Variants in MRPL42 observed in about 807,000 individuals in gnomAD.
MRPL42 encodes mitochondrial ribosomal protein L42.
Under a neutral mutation model 17.9 loss-of-function variants are expected in MRPL42, and 17 were observed. The ratio of observed to expected loss-of-function variants is 0.95; its 90% CI spans 0.65 to 1.42. MRPL42 has a LOEUF of 1.42. Among genes scored for constraint, MRPL42 ranks in the 40% most tolerant of loss-of-function variants. The pLI is 0.00. For missense variants in MRPL42, 177 were observed against 175.2 expected (o/e 1.01, Z -0.06); for synonymous variants, 59 against 54.4 (o/e 1.08, Z -0.37).
rs1187418530 is a variant in MRPL42 at position 93,515,242 on chromosome 12, A to C, written c.*14021A>C. On this transcript the variant is annotated 3_prime_UTR_variant, in exon 6 of 6. Coordinates refer to ENST00000549982, the MANE Select transcript of MRPL42 (RefSeq NM_014050.4). ...GGAAGCACGATGGACTCCTGGGCAC[A>C]CCGTTAAGTGACTGATGGAGTCATT... The C allele has an allele frequency of 6.6e-6, 1 of 152,198 alleles. No individual in the cohort carries two copies. The highest frequency in any genetic ancestry group is 2.4e-5 in the African/African-American group (1 of 41,440). The allele number at this position is 152,198 out of a possible 1,614,324, so 9.4% of individuals were successfully genotyped here.
At position 93,485,106 on chromosome 12, in the gene MRPL42, A is replaced by T. The variant is rs371949894; in HGVS notation, c.220-2391A>T. ...GCTCAAGCATTCCTTTGCCACTTTG[A>T]CCTTCCTAAGTGCTGGGATTACAGG... On this transcript the variant is annotated intron_variant, in intron 4 of 5. Transcript: ENST00000549982. 2.2e-5 allele frequency among the ~76,000 whole-genome samples: 3 copies of T among 136,520 alleles called. No individual in the cohort carries two copies. In the East Asian group the frequency reaches 6.7e-4, roughly 31 times the overall value. The allele number at this position is 136,520 out of a possible 152,430, so 89.6% of individuals were successfully genotyped here.
chr12:93,510,133 T>G lies in MRPL42; in HGVS notation c.*8912T>G, dbSNP rs1197564878. 6.6e-6 allele frequency: 1 copy of G among 152,584 alleles called. No homozygotes were observed. Among genetic ancestry groups the G allele is most frequent in the Non-Finnish European group, 1.5e-5 (1 of 68,216 alleles). 9.5% of individuals were successfully genotyped at this position (152,584 alleles called of 1,614,324 possible). A position where few individuals can be genotyped will look rare whatever the true frequency, so the allele number is the denominator to read the frequency against. ...CCCACTGACCCCCGGCTACCACTGGTCTTTTCACTGTCTCCGTAAGTTTTT... is the reference window on the plus strand; with the variant it reads ...CCCACTGACCCCCGGCTACCACTGGGCTTTTCACTGTCTCCGTAAGTTTTT... On this transcript the variant is annotated 3_prime_UTR_variant, in exon 6 of 6. Coordinates refer to ENST00000549982, the MANE Select transcript of MRPL42 (RefSeq NM_014050.4).
chr12:93,481,323 AG>A (rs751441767), intron 4 of MRPL42, among the ~76,000 whole-genome samples: 2 of 152,180 alleles, frequency 1.3e-5, no homozygotes, highest in Non-Finnish European at 2.9e-5. Context: ...AGTTCTTTTA[AG>A]TAGTTGCTGT....
chr12:93,490,993 C>A (rs1232731955), intron 5 of MRPL42, among the ~76,000 whole-genome samples: 1 of 152,132 alleles, frequency 6.6e-6, no homozygotes, highest in South Asian at 2.1e-4. Context: ...CGGATTCAAG[C>A]GATTCTAGTG....
In MRPL42 at chr12:93,487,617, A is replaced by C; in HGVS notation, c.340A>C (p.Lys114Gln). Residue 114 changes from lysine (K) to glutamine (Q), a missense_variant, in exon 5 of 6, where the codon AAA becomes CAA. Coordinates refer to ENST00000549982, the MANE Select transcript of MRPL42 (RefSeq NM_014050.4). ...AGGACCTATGATAGAACAACTTAGC[A>C]AAATGTTCTTTACTACTAAGCACCG... ...EEGPMIEQLS[K>Q]MFFTTKHRWY... 1 of 1,613,560 alleles carries C rather than the reference A, an allele frequency of 6.2e-7. No homozygotes were observed. Among genetic ancestry groups the C allele is most frequent in the Non-Finnish European group, 8.5e-7 (1 of 1,179,664 alleles).
rs1483030761 is a variant in MRPL42, at chr12:93,469,177, T to G, written c.-94-15T>G. ...TACCATAGGTAGCACTGATTTTTCT[T>G]TATCTCTTCAGCAGGAGTAGAAATT... is the stretch of plus-strand genomic sequence containing the variant. On this transcript the variant is annotated splice_polypyrimidine_tract_variant and intron_variant, in intron 1 of 5. Coordinates refer to ENST00000549982, the MANE Select transcript of MRPL42 (RefSeq NM_014050.4). 1.3e-6 allele frequency: 1 copy of G among 773,752 alleles called. No homozygotes were observed. The highest frequency in any genetic ancestry group is 1.8e-5 in the African/African-American group (1 of 55,700). 47.9% of individuals were successfully genotyped at this position (773,752 alleles called of 1,614,324 possible).
Position 93,477,015 on chromosome 12 carries a change from T to C in MRPL42, c.132T>C (p.Asn44=), listed in dbSNP as rs964606483. 6.4e-7 allele frequency: 1 copy of C among 1,569,226 alleles called. No homozygotes were observed. The highest frequency in any genetic ancestry group is 1.1e-5 in the South Asian group (1 of 88,682). The change falls in exon 3 of 6, where the codon AAT becomes AAC. Residue 44 remains asparagine (N), a splice_region_variant and synonymous_variant. Coordinates refer to ENST00000549982, the MANE Select transcript of MRPL42 (RefSeq NM_014050.4). ...ATTCTCCTCTACCAGATGACTATAA[T>C]TGGTATGTATTAAAATTCAATTGAA... is the stretch of plus-strand genomic sequence containing the variant. ...STYSPLPDDY[N]CNVELALTSD...
chr12:93,487,543 A>T lies in MRPL42; in HGVS notation c.266A>T (p.Asp89Val). Residue 89 changes from aspartate (D) to valine (V), a missense_variant, in exon 5 of 6, where the codon GAT becomes GTT. Transcript: ENST00000549982. ...DPVHNNEETH[D>V]QVLKTRLEEK... is the part of the protein sequence containing the mutation. Reference sequence around the variant, plus strand: ...GTGCATAATAATGAAGAAACACATGATCAAGTGCTGAAAACCAGATTGGAA... The same window carrying T: ...GTGCATAATAATGAAGAAACACATGTTCAAGTGCTGAAAACCAGATTGGAA... 1 of 1,613,998 alleles carries T rather than the reference A, an allele frequency of 6.2e-7. No individual in the cohort carries two copies. The highest frequency in any genetic ancestry group is 8.5e-7 in the Non-Finnish European group (1 of 1,179,876).
At chr12:93,475,665 A>C (rs912842933) in intron 2 of MRPL42, among the ~76,000 whole-genome samples, 1 of 151,794 alleles carries the variant, frequency 6.6e-6, no homozygotes. Flanking sequence ...TTTTGAACAT[A>C]GGAGAATCTT....
rs781227533 is a variant in MRPL42 at position 93,509,791 on chromosome 12, A to C, written c.*8570A>C. 12 of 151,390 alleles carry C rather than the reference A, an allele frequency of 7.9e-5. No homozygotes were observed. Among genetic ancestry groups the C allele is most frequent in the Non-Finnish European group, 1.5e-4 (10 of 67,664 alleles). 9.4% of individuals were successfully genotyped at this position (151,390 alleles called of 1,614,324 possible). On this transcript the variant is annotated 3_prime_UTR_variant, in exon 6 of 6. Coordinates refer to ENST00000549982, the MANE Select transcript of MRPL42 (RefSeq NM_014050.4). ...TCTCCTGAAAAAAAAAAAAAACTTT[A>C]GTTTTTAAAAGTAGTTTTAGGTTCT...
rs1393532847 is a variant in MRPL42 at position 93,508,424 on chromosome 12, C to G, written c.*7203C>G. On this transcript the variant is annotated 3_prime_UTR_variant, in exon 6 of 6. Coordinates refer to ENST00000549982, the MANE Select transcript of MRPL42 (RefSeq NM_014050.4). ...CTAGGCTGGGCAACAGAACAAGCAC[C>G]TGTATCAAAACAAACAAAAAAGTGC... is the stretch of plus-strand genomic sequence containing the variant. The G allele has an allele frequency of 6.6e-6, 1 of 152,438 alleles. No individual in the cohort carries two copies. The highest frequency in any genetic ancestry group is 2.4e-5 in the African/African-American group (1 of 41,418). The allele number at this position is 152,438 out of a possible 1,614,324, so 9.4% of individuals were successfully genotyped here.
intron 5 of MRPL42, among the ~76,000 whole-genome samples, chr12:93,494,737 TA>T (rs1305142393): frequency 1.3e-5 from 2 of 152,140 alleles, no homozygotes; most frequent in Non-Finnish European, 2.9e-5. Flanking sequence ...ATTCCTGTCC[TA>T]GAGAATGGAA....
chr12:93,480,244 C>A (rs1880392463), intron 4 of MRPL42, among the ~76,000 whole-genome samples: 1 of 151,892 alleles, frequency 6.6e-6, no homozygotes, highest in South Asian at 2.1e-4. Context: ...TCTCAGCCTC[C>A]CGAGTACCTG....
chr12:93,513,149 C>A lies in MRPL42; in HGVS notation c.*11928C>A, dbSNP rs144140904. ...ATCTACCCTGGATTACATATTTTAACGAGAAAGAAACCAGCTCATTTGTGA... is the reference window on the plus strand; with the variant it reads ...ATCTACCCTGGATTACATATTTTAAAGAGAAAGAAACCAGCTCATTTGTGA... On this transcript the variant is annotated 3_prime_UTR_variant, in exon 6 of 6. Coordinates refer to ENST00000549982, the MANE Select transcript of MRPL42 (RefSeq NM_014050.4). 228 of 146,356 alleles carry A rather than the reference C, an allele frequency of 1.6e-3. No homozygotes were observed. Among genetic ancestry groups the A allele is most frequent in the African/African-American group, 5.5e-3 (218 of 39,490 alleles). 9.1% of individuals were successfully genotyped at this position (146,356 alleles called of 1,614,324 possible). A position where few individuals can be genotyped will look rare whatever the true frequency, so the allele number is the denominator to read the frequency against.
At chr12:93,497,464 A>G (rs868620785) in intron 5 of MRPL42, among the ~76,000 whole-genome samples, 4 of 152,216 alleles carry the variant, frequency 2.6e-5, no homozygotes, top group Non-Finnish European at 5.9e-5. Context: ...ATATAAACAG[A>G]ATTAAAAACA....
intron 4 of MRPL42, 83 bp from the exon 5 acceptor site, chr12:93,487,413 TG>T: frequency 8.0e-7 from 1 of 1,256,094 alleles, no homozygotes. Context: ...TTACTGAATA[TG>T]GTAATTGTTT....
At position 93,505,291 on chromosome 12, in the gene MRPL42, T is replaced by C. The variant is rs1953657350; in HGVS notation, c.*4070T>C. ...TAAGAAAAAAAGATATAATGTGCCATCATTTTGGATGGTTCTGGGCACTTC... is the reference window on the plus strand; with the variant it reads ...TAAGAAAAAAAGATATAATGTGCCACCATTTTGGATGGTTCTGGGCACTTC... On this transcript the variant is annotated 3_prime_UTR_variant, in exon 6 of 6. Coordinates refer to ENST00000549982, the MANE Select transcript of MRPL42 (RefSeq NM_014050.4). 1 of 152,212 alleles carries C rather than the reference T, an allele frequency of 6.6e-6. No individual in the cohort carries two copies. The highest frequency in any genetic ancestry group is 2.1e-4 in the South Asian group (1 of 4,836). 9.4% of individuals were successfully genotyped at this position (152,212 alleles called of 1,614,324 possible).
chr12:93,484,979 CATATATAT>C (rs4020795), intron 4 of MRPL42, among the ~76,000 whole-genome samples: 710 of 22,406 alleles, frequency 0.032, 31 homozygotes, highest in African/African-American at 0.057. Context: ...CACACACACA[CATATATAT>C]ATATATATAT....
intron 4 of MRPL42, among the ~76,000 whole-genome samples, chr12:93,481,299 G>A (rs779568637): frequency 7.2e-5 from 11 of 152,088 alleles, no homozygotes; most frequent in Admixed American, 6.6e-4. Context: ...CCCTGGAGAC[G>A]TTACTTCCCC....
Sources: allele counts gnomAD v4.1 joint callset (sites outside exome capture counted in the v4.1 genomes callset), GRCh38; gene constraint gnomAD v4.1.1; transcripts MANE v1.5; gene names NCBI Gene and HGNC (gene_info 2026-07-23, HGNC 2026-07-21).